Variants in LMX1A observed in about 807,000 individuals in gnomAD.
LMX1A encodes LIM homeobox transcription factor 1 alpha, also known as LIM homeobox transcription factor 1-alpha.
LMX1A carries 15 observed loss-of-function variants against 49.1 expected under a neutral mutation model. The observed-to-expected ratio is 0.31, with a 90% CI of 0.20 to 0.47. The LOEUF (loss-of-function observed/expected upper bound fraction) is 0.47, where lower values mean the gene tolerates loss of function less well. LMX1A is among the 20% of genes least tolerant of loss of function. The pLI is 1.00. For missense variants in LMX1A, 372 were observed against 475.8 expected (o/e 0.78, Z 2.03); for synonymous variants, 167 against 185.7 (o/e 0.90, Z 0.82).
intron 6 of LMX1A, 171 bp downstream of exon 6, chr1:165,210,528 T>C: frequency 2.3e-6 from 1 of 440,166 alleles, no homozygotes; most frequent in African/African-American, 2.0e-5. Context: ...TCTCCCCTTC[T>C]GCAGGGCTGC....
At position 165,269,444 on chromosome 1, in the gene LMX1A, G is replaced by A. The variant is rs144948763; in HGVS notation, c.264-19804C>T. ...CCTCTCCAGTAGAACTTCCTGTGAT[G>A]ATGAAAATGTCTTAGCTCAACCATT... On this transcript the variant is annotated intron_variant, in intron 3 of 8. Coordinates refer to ENST00000342310, the MANE Select transcript of LMX1A (RefSeq NM_177398.4). Among the ~76,000 whole-genome samples the A allele has an allele frequency of 2.5e-3, 385 of 152,308 alleles. 1 individual carries two copies. The highest frequency in any genetic ancestry group is 8.5e-3 in the African/African-American group (352 of 41,566).
At chr1:165,237,217 ACTCT>A (rs1164941994) in intron 4 of LMX1A, among the ~76,000 whole-genome samples, 2 of 151,920 alleles carry the variant, frequency 1.3e-5, no homozygotes, top group Admixed American at 6.6e-5. Flanking sequence ...ATGCTTGTAC[ACTCT>A]CTATCTTTAT....
intron 4 of LMX1A, among the ~76,000 whole-genome samples, chr1:165,233,431 G>A (rs1652307906): frequency 6.6e-6 from 1 of 152,108 alleles, no homozygotes. Context: ...CTCTAGCCTG[G>A]GTGACAGAAG....
chr1:165,209,306 G>A (rs1018649768), intron 6 of LMX1A, among the ~76,000 whole-genome samples: 1 of 152,136 alleles, frequency 6.6e-6, no homozygotes. Context: ...CGTTGACCCT[G>A]TTTTTTGGCA....
chr1:165,275,298 CTT>C (rs756012710), intron 3 of LMX1A, among the ~76,000 whole-genome samples: 1 of 152,196 alleles, frequency 6.6e-6, no homozygotes, highest in East Asian at 1.9e-4. Context: ...ACTTGTTTGA[CTT>C]TGCTGATTAA....
At chr1:165,318,815 T>C (rs544859740) in intron 3 of LMX1A, among the ~76,000 whole-genome samples, 2 of 151,976 alleles carry the variant, frequency 1.3e-5, no homozygotes, top group African/African-American at 2.4e-5. Flanking sequence ...AAAGGAAAAA[T>C]ATAGAAAGGG....
intron 3 of LMX1A, among the ~76,000 whole-genome samples, chr1:165,273,562 T>G (rs940851392): frequency 6.6e-6 from 1 of 150,946 alleles, no homozygotes; most frequent in Non-Finnish European, 1.5e-5. Context: ...TAAATATTAT[T>G]TCGTCTCCTT....
chr1:165,324,369 T>G, intron 3 of LMX1A, among the ~76,000 whole-genome samples: 1 of 152,134 alleles, frequency 6.6e-6, no homozygotes, highest in East Asian at 1.9e-4. Flanking sequence ...CTCTACTAAT[T>G]AGAAGTAAAT....
chr1:165,309,194 G>A lies in LMX1A; in HGVS notation c.263+43882C>T, dbSNP rs980980539. On this transcript the variant is annotated intron_variant, in intron 3 of 8. Coordinates refer to ENST00000342310, the MANE Select transcript of LMX1A (RefSeq NM_177398.4). ...GAGGGCTCGCTCCTGGATGCTGAGC[G>A]AAGAGCTTGCTGCACGCTCCCCACC... Among the ~76,000 whole-genome samples the A allele has an allele frequency of 2.0e-5, 3 of 151,292 alleles. No individual in the cohort carries two copies. The East Asian group carries it at 5.9e-4, about 30-fold the overall frequency.
chr1:165,225,277 A>G (rs753543359), intron 4 of LMX1A, among the ~76,000 whole-genome samples: 1 of 152,238 alleles, frequency 6.6e-6, no homozygotes, highest in Non-Finnish European at 1.5e-5. Context: ...ATTGGTGAGA[A>G]CACAAGATTA....
intron 3 of LMX1A, among the ~76,000 whole-genome samples, chr1:165,260,352 G>C (rs984082122): frequency 1.5e-4 from 23 of 151,390 alleles, no homozygotes; most frequent in South Asian, 6.2e-4. Context: ...GTGTGTGTCT[G>C]TGTGTGTGTG....
intron 2 of LMX1A, among the ~76,000 whole-genome samples, chr1:165,354,459 C>A (rs1656532403): frequency 6.6e-6 from 1 of 152,210 alleles, no homozygotes; most frequent in Non-Finnish European, 1.5e-5. Flanking sequence ...TAAATCCGCA[C>A]CCGCTGCCCG....
In LMX1A at chr1:165,346,188, A is replaced by C. The variant is rs945232708; in HGVS notation, c.263+6888T>G. ...CCAGACAGCTCTCAGAGATAGGCAG[A>C]TCTATCTATCACTCTATTATACAAC... On this transcript the variant is annotated intron_variant, in intron 3 of 8. Coordinates refer to ENST00000342310, the MANE Select transcript of LMX1A (RefSeq NM_177398.4). Among the ~76,000 whole-genome samples the C allele has an allele frequency of 1.3e-3, 192 of 152,324 alleles. 2 individuals are homozygous for C. The highest frequency in any genetic ancestry group is 4.4e-3 in the African/African-American group (183 of 41,566).
In LMX1A at chr1:165,306,726, C is replaced by T. The variant is rs1047453198; in HGVS notation, c.263+46350G>A. ...ATGGGCTCTGAATATCCCCAACAGC[C>T]TGTTGGTGGCACTCACACCACAATA... On this transcript the variant is annotated intron_variant, in intron 3 of 8. Transcript: ENST00000342310. Among the ~76,000 whole-genome samples, 4 of 152,240 alleles carry T rather than the reference C, an allele frequency of 2.6e-5. No homozygotes were observed. In the South Asian group the frequency reaches 8.3e-4, roughly 32 times the overall value.
chr1:165,278,803 C>T (rs1654047369), intron 3 of LMX1A, among the ~76,000 whole-genome samples: 5 of 152,200 alleles, frequency 3.3e-5, no homozygotes, highest in Admixed American at 3.3e-4. Context: ...TGCTAGGAAG[C>T]CACTCAAAGA....
chr1:165,209,740 ATAAG>A (rs1460124257), intron 6 of LMX1A, among the ~76,000 whole-genome samples: 1 of 152,256 alleles, frequency 6.6e-6, no homozygotes, highest in Non-Finnish European at 1.5e-5. Flanking sequence ...AGCAGTAAAT[ATAAG>A]TAAGTATTTC....
At chr1:165,204,366 A>T (rs1450636552) in intron 8 of LMX1A, among the ~76,000 whole-genome samples, 1 of 152,196 alleles carries the variant, frequency 6.6e-6, no homozygotes, top group Non-Finnish European at 1.5e-5. Flanking sequence ...GGGCCTGAAA[A>T]ATGATGCTTG....
rs746986116 is a variant in LMX1A, at chr1:165,260,042, C to G, written c.264-10402G>C. On this transcript the variant is annotated intron_variant, in intron 3 of 8. Coordinates refer to ENST00000342310, the MANE Select transcript of LMX1A (RefSeq NM_177398.4). Reference sequence around the variant, plus strand: ...CTTATAGACTTTCCATATTGCCACACAGATATGCACAAATGGCAAGAAACA... The same window carrying G: ...CTTATAGACTTTCCATATTGCCACAGAGATATGCACAAATGGCAAGAAACA... Among the ~76,000 whole-genome samples the G allele has an allele frequency of 2.6e-5, 4 of 152,172 alleles. No homozygotes were observed. The East Asian group carries it at 7.7e-4, about 29-fold the overall frequency.
chr1:165,307,038 T>C (rs1654938661), intron 3 of LMX1A, among the ~76,000 whole-genome samples: 2 of 152,326 alleles, frequency 1.3e-5, no homozygotes, highest in South Asian at 4.1e-4. Context: ...GTAATGAGAA[T>C]TCCCTGTGGC....
Sources: allele counts gnomAD v4.1 joint callset (sites outside exome capture counted in the v4.1 genomes callset), GRCh38; gene constraint gnomAD v4.1.1; transcripts MANE v1.5; gene names NCBI Gene and HGNC (gene_info 2026-07-23, HGNC 2026-07-21).